EMX1: variants seen among roughly 807,000 people sequenced by gnomAD.
EMX1 encodes empty spiracles homeobox 1.
A neutral mutation model predicts 20.1 loss-of-function variants in EMX1; 10 were observed. That is an observed-to-expected ratio of 0.50 (90% confidence interval 0.31 to 0.84). The LOEUF (loss-of-function observed/expected upper bound fraction) is 0.84. Among genes scored for constraint, EMX1 ranks in the 40% least tolerant of loss-of-function variants. The probability of loss-of-function intolerance (pLI) is 0.05; values close to 1 mark genes in which losing one functional copy is unlikely to be tolerated. For missense variants in EMX1, 424 were observed against 431.9 expected, an observed-to-expected ratio of 0.98 and a Z score of 0.16; for synonymous variants, 250 against 200.4, an observed-to-expected ratio of 1.25 and a Z score of -2.09.
At position 72,924,424 on chromosome 2, in the gene EMX1, G is replaced by A; in HGVS notation, c.636G>A (p.Glu212=). The change falls in exon 2 of 3, where the codon GAG becomes GAA. Residue 212 remains glutamate (E), a synonymous_variant. Transcript: ENST00000258106. ...SQLLRLERAF[E]KNHYVVGAER... Reference sequence around the variant, plus strand: ...TGCTGCGGCTGGAGCGCGCCTTCGAGAAGAACCACTACGTGGTGGGCGCCG... The same window carrying A: ...TGCTGCGGCTGGAGCGCGCCTTCGAAAAGAACCACTACGTGGTGGGCGCCG... The A allele has an allele frequency of 6.3e-7, 1 of 1,597,400 alleles. No individual in the cohort carries two copies. Among genetic ancestry groups the A allele is most frequent in the Non-Finnish European group, 8.5e-7 (1 of 1,176,612 alleles).
intron 2 of EMX1, chr2:72,925,409 G>C: frequency 7.9e-7 from 1 of 1,258,294 alleles, no homozygotes; most frequent in Non-Finnish European, 1.0e-6. Flanking sequence ...TGCTGCCTGG[G>C]ATCACTGCAT....
At chr2:72,918,441 TC>T in intron 1 of EMX1, 69 bp downstream of exon 1, 1 of 1,337,894 alleles carries the variant, frequency 7.5e-7, no homozygotes, top group Non-Finnish European at 9.5e-7. Context: ...CGGGGGAGGC[TC>T]GGGGGCGCGC....
chr2:72,933,439 C>T (rs922327706), intron 2 of EMX1: 4 of 268,174 alleles, frequency 1.5e-5, no homozygotes, highest in Admixed American at 9.7e-5. Flanking sequence ...CTCGTAGAGT[C>T]CCATGTCTGC....
chr2:72,926,366 A>G (rs996992837), intron 2 of EMX1: 1 of 890,590 alleles, frequency 1.1e-6, no homozygotes, highest in Non-Finnish European at 1.3e-6. Context: ...ACCAGATAGA[A>G]TAACATAAAC....
At chr2:72,922,974 C>G (rs1161453179) in intron 1 of EMX1, among the ~76,000 whole-genome samples, 1 of 152,182 alleles carries the variant, frequency 6.6e-6, no homozygotes. Flanking sequence ...GTTTTTGGTG[C>G]ATCAGGAGGC....
intron 1 of EMX1, 84 bp from the exon 2 acceptor site, chr2:72,924,225 G>T: frequency 6.6e-7 from 1 of 1,509,006 alleles, no homozygotes. Context: ...AGGGCGCGAG[G>T]CCAGGCTCTG....
chr2:72,931,091 C>T (rs1420388614), intron 2 of EMX1, among the ~76,000 whole-genome samples: 1 of 152,046 alleles, frequency 6.6e-6, no homozygotes, highest in African/African-American at 2.4e-5. Flanking sequence ...CCAGGCTGCA[C>T]AGGGAGAGGG....
In EMX1 at chr2:72,918,224, C is replaced by T. The variant is rs766614807; in HGVS notation, c.372C>T (p.Asn124=). 5 of 1,576,196 alleles carry T rather than the reference C, an allele frequency of 3.2e-6. No homozygotes were observed. Among genetic ancestry groups the T allele is most frequent in the Non-Finnish European group, 4.3e-6 (5 of 1,171,968 alleles). The stretch of plus-strand genomic sequence containing the variant: ...AGCTCGTGTTCCCCGAGGCCATGAA[C>T]CACCCCGCGCTGACCGTGCATCCGG... The part of the protein sequence containing the change: ...GPELVFPEAM[N]HPALTVHPAH... Residue 124 remains asparagine, a synonymous_variant, in exon 1 of 3, where the codon AAC becomes AAT. Transcript: ENST00000258106.
chr2:72,929,363 G>A (rs1293712848), intron 2 of EMX1, among the ~76,000 whole-genome samples: 4 of 152,170 alleles, frequency 2.6e-5, no homozygotes, highest in African/African-American at 9.7e-5. Flanking sequence ...GAAAGAGGAG[G>A]AGACAGGGAG....
Position 72,917,584 on chromosome 2 carries a change from G to A in EMX1, c.-269G>A, listed in dbSNP as rs1440460894. ...GGCAGTGCGGGGACACCGGGGGCTG[G>A]GGTCGGTCCCAGCGGGACTCCGAAA... is the stretch of plus-strand genomic sequence containing the variant. On this transcript the variant is annotated 5_prime_UTR_variant, in exon 1 of 3. Coordinates refer to ENST00000258106, the MANE Select transcript of EMX1 (RefSeq NM_004097.3). The A allele has an allele frequency of 2.4e-5, 5 of 209,264 alleles. No homozygotes were observed. Among genetic ancestry groups the A allele is most frequent in the Middle Eastern group, 1.7e-3 (1 of 596 alleles). 13.0% of individuals were successfully genotyped at this position (209,264 alleles called of 1,614,324 possible).
chr2:72,916,325 CCAGGCAGCGCT>C, upstream of EMX1: 1 of 294,424 alleles, frequency 3.4e-6, no homozygotes, highest in South Asian at 3.5e-5. Context: ...ATCTGCGCGC[CCAGGCAGCGCT>C]CAGGCCGCTA....
At chr2:72,929,096 A>T (rs1040130178) in intron 2 of EMX1, among the ~76,000 whole-genome samples, 1 of 152,086 alleles carries the variant, frequency 6.6e-6, no homozygotes, top group African/African-American at 2.4e-5. Context: ...TAAGAGGGGG[A>T]TATCCAAGTG....
intron 1 of EMX1, among the ~76,000 whole-genome samples, chr2:72,919,225 A>T (rs908664873): frequency 5.4e-5 from 8 of 148,872 alleles, no homozygotes; most frequent in Admixed American, 2.7e-4. Context: ...ACACGTTTCA[A>T]TTATTTGTCT....
At chr2:72,916,837 C>A (rs1165026167), upstream of EMX1, 1 of 717,212 alleles carries the variant, frequency 1.4e-6, no homozygotes. Flanking sequence ...TGGTCCAAGC[C>A]GGTCGCGGCA....
Position 72,924,303 on chromosome 2 carries a change from C to A in EMX1, c.521-6C>A. On this transcript the variant is annotated splice_polypyrimidine_tract_variant and splice_region_variant and intron_variant, in intron 1 of 2. Transcript: ENST00000258106. ...GCGTGTGTTGCCGTCGGCGGCGGGG[C>A]CGCAGCCAGCGACGTGCCCCAGGAC... is the stretch of plus-strand genomic sequence containing the variant. The A allele has an allele frequency of 1.3e-6, 2 of 1,557,954 alleles. No individual in the cohort carries two copies. Among genetic ancestry groups the A allele is most frequent in the Non-Finnish European group, 1.7e-6 (2 of 1,159,424 alleles).
intron 1 of EMX1, chr2:72,923,584 A>C (rs1406472829): frequency 6.6e-6 from 1 of 152,388 alleles, no homozygotes; most frequent in African/African-American, 2.4e-5. Context: ...CTGACTTTCC[A>C]CTTCCAGGTG....
rs1487632266 is a variant in EMX1 at position 72,930,966 on chromosome 2, C to G, written c.706-2821C>G. On this transcript the variant is annotated intron_variant, in intron 2 of 2. Transcript: ENST00000258106. This position sits in a 1 kb window ranked among gnomAD's most constrained non-coding sequence, Gnocchi z 4.4. ...ATGGTTGTGATCACACTGTGCCAGC[C>G]TTGTGCATCCTGGCGTTTCCATTAA... 6.6e-6 allele frequency among the ~76,000 whole-genome samples: 1 copy of G among 152,194 alleles called. No homozygotes were observed. The highest frequency in any genetic ancestry group is 2.4e-5 in the African/African-American group (1 of 41,438).
At position 72,923,892 on chromosome 2, in the gene EMX1, G is replaced by T. The variant is rs1031455667; in HGVS notation, c.521-417G>T. On this transcript the variant is annotated intron_variant, in intron 1 of 2. Transcript: ENST00000258106. ...GCGACCAGTTAACTGAAAGCAAATCGTTGGGGCTGGCGGCCAGGGCAGCGC... is the reference window on the plus strand; with the variant it reads ...GCGACCAGTTAACTGAAAGCAAATCTTTGGGGCTGGCGGCCAGGGCAGCGC... 8 of 274,610 alleles carry T rather than the reference G, an allele frequency of 2.9e-5. No homozygotes were observed. In the South Asian group the frequency reaches 3.1e-4, roughly 11 times the overall value. The allele number at this position is 274,610 out of a possible 1,614,324, so 17.0% of individuals were successfully genotyped here. A position where few individuals can be genotyped will look rare whatever the true frequency, so the allele number is the denominator to read the frequency against.
intron 2 of EMX1, among the ~76,000 whole-genome samples, chr2:72,931,288 C>T (rs531806237): frequency 5.9e-5 from 9 of 152,334 alleles, no homozygotes; most frequent in African/African-American, 1.2e-4. Context: ...ATGCTGGGCC[C>T]GTCCCACTAC....
Sources: gnomAD v4.1 joint callset for allele counts (sites outside exome capture counted in the v4.1 genomes callset) on GRCh38, gnomAD v4.1.1 for gene constraint, Gnocchi (gnomAD v3.1) non-coding constraint, MANE v1.5 for transcripts, NCBI Gene and HGNC (gene_info 2026-07-23, HGNC 2026-07-21) for gene names.